KMT2C: variants seen among roughly 807,000 people sequenced by gnomAD.
The protein encoded by KMT2C is histone-lysine N-methyltransferase 2C.
A neutral mutation model predicts 507.9 loss-of-function variants in KMT2C; 88 were observed. The ratio of observed to expected loss-of-function variants is 0.17; its 90% CI spans 0.15 to 0.21. The LOEUF is 0.21. KMT2C is among the 10% of genes least tolerant of loss of function. The pLI is 1.00. For synonymous variants in KMT2C, 2,049 were observed against 2,080.8 expected (o/e 0.98, Z 0.42); for missense variants, 4,954 against 5,957.8 (o/e 0.83, Z 5.55).
At chr7:152,299,352 A>G (rs1378455268) in intron 6 of KMT2C, among the ~76,000 whole-genome samples, 2 of 149,838 alleles carry the variant, frequency 1.3e-5, no homozygotes, top group African/African-American at 4.9e-5. Context: ...ATAAATAAAT[A>G]AAGTAAAAGA....
At chr7:152,329,114 T>C (rs1331345200) in intron 3 of KMT2C, among the ~76,000 whole-genome samples, 1 of 152,082 alleles carries the variant, frequency 6.6e-6, no homozygotes, top group Non-Finnish European at 1.5e-5. Flanking sequence ...GAGCTTTCTT[T>C]CCCAGGGAGT....
intron 6 of KMT2C, among the ~76,000 whole-genome samples, chr7:152,288,464 C>T (rs200767369): frequency 4.0e-5 from 6 of 151,850 alleles, no homozygotes; most frequent in African/African-American, 7.3e-5. Context: ...GACCCAGGGG[C>T]GGAGTTTGCA....
At position 152,172,678 on chromosome 7, in the gene KMT2C, T is replaced by C. The variant is rs933549676; in HGVS notation, c.9375-1336A>G. Among the ~76,000 whole-genome samples, 6 of 152,096 alleles carry C rather than the reference T, an allele frequency of 3.9e-5. No homozygotes were observed. In the South Asian group the frequency reaches 1.2e-3, roughly 32 times the overall value. ...CTATCCTGGGCAACAACAGCGAAAC[T>C]CCGTCTCAGAAACAAAAACCAAAAC... On this transcript the variant is annotated intron_variant, in intron 39 of 58. Coordinates refer to ENST00000262189, the MANE Select transcript of KMT2C (RefSeq NM_170606.3).
At chr7:152,291,370 T>C (rs2096424355) in intron 6 of KMT2C, among the ~76,000 whole-genome samples, 1 of 152,296 alleles carries the variant, frequency 6.6e-6, no homozygotes, top group Admixed American at 6.5e-5. Flanking sequence ...TATTATATAA[T>C]AGTTCACTAA....
chr7:152,234,239 A>C (rs2095212276), intron 16 of KMT2C, among the ~76,000 whole-genome samples: 1 of 152,052 alleles, frequency 6.6e-6, no homozygotes. Context: ...AAAATTAGCC[A>C]GGCGTGGTGG....
At chr7:152,339,415 ATCAT>A (rs1479268787) in intron 2 of KMT2C, among the ~76,000 whole-genome samples, 1 of 152,220 alleles carries the variant, frequency 6.6e-6, no homozygotes, top group Non-Finnish European at 1.5e-5. Flanking sequence ...ATCCCAAAAT[ATCAT>A]TCACCCTCAT....
At chr7:152,236,367 A>ACTAAT (rs1588470464) in intron 15 of KMT2C, among the ~76,000 whole-genome samples, 1 of 152,250 alleles carries the variant, frequency 6.6e-6, no homozygotes, top group East Asian at 1.9e-4. Context: ...CTTACTATGT[A>ACTAAT]CTAATCTAAG....
At chr7:152,217,106 G>T (rs1353828110) in intron 23 of KMT2C, among the ~76,000 whole-genome samples, 1 of 152,138 alleles carries the variant, frequency 6.6e-6, no homozygotes, top group Non-Finnish European at 1.5e-5. Flanking sequence ...AGGGTACTGA[G>T]ACATTATCAA....
At position 152,275,096 on chromosome 7, in the gene KMT2C, A is replaced by C. The variant is rs867265425; in HGVS notation, c.850-1229T>G. On this transcript the variant is annotated intron_variant, in intron 6 of 58. Transcript: ENST00000262189. Reference sequence around the variant, plus strand: ...CTGCTAATTAACCAGGGACTACAGTAGTTAAAATTATAATTGTTTTCAATG... The same window carrying C: ...CTGCTAATTAACCAGGGACTACAGTCGTTAAAATTATAATTGTTTTCAATG... Among the ~76,000 whole-genome samples, 391 of 152,320 alleles carry C rather than the reference A, an allele frequency of 2.6e-3. 1 individual carries two copies. Among genetic ancestry groups the C allele is most frequent in the Non-Finnish European group, 4.3e-3 (294 of 68,020 alleles).
rs1229251971 is a variant in KMT2C at position 152,177,541 on chromosome 7, A to T, written c.7912T>A (p.Ser2638Thr). ...ATGACCATAGAAGATGAATGGACAG[A>T]ATGACCTTGCTCTTGTTGAGATGGT... ...VPPSQQEQGH[S>T]VHSSSMVMRT... Residue 2638 changes from serine (S) to threonine (T), a missense_variant, in exon 38 of 59, where the codon TCT (serine) becomes ACT (threonine). By Grantham distance (58) the Ser-to-Thr change is moderately conservative. Transcript: ENST00000262189. The T allele has an allele frequency of 6.2e-7, 1 of 1,614,186 alleles. No individual in the cohort carries two copies. The highest frequency in any genetic ancestry group is 1.7e-5 in the Admixed American group (1 of 60,024).
At chr7:152,263,942 A>G (rs186326672) in intron 8 of KMT2C, among the ~76,000 whole-genome samples, 14 of 152,286 alleles carry the variant, frequency 9.2e-5, no homozygotes, top group African/African-American at 3.4e-4. Context: ...GAATCTCTGA[A>G]TGAAATCTGG....
At chr7:152,412,818 G>T (rs575630724) in intron 1 of KMT2C, among the ~76,000 whole-genome samples, 1 of 152,284 alleles carries the variant, frequency 6.6e-6, no homozygotes, top group East Asian at 1.9e-4. Flanking sequence ...TCTTATTGAG[G>T]CCAAGGTCAA....
intron 1 of KMT2C, among the ~76,000 whole-genome samples, chr7:152,393,642 G>A (rs76516552): frequency 1.8e-4 from 27 of 151,716 alleles, no homozygotes; most frequent in African/African-American, 6.1e-4. Flanking sequence ...GGCCGAGCGC[G>A]GTGGCTCATG....
chr7:152,274,201 T>C (rs1339961561), intron 6 of KMT2C, among the ~76,000 whole-genome samples: 2 of 152,152 alleles, frequency 1.3e-5, no homozygotes, highest in Non-Finnish European at 2.9e-5. Flanking sequence ...GGTTTCTATA[T>C]TGAGGATTAT....
intron 2 of KMT2C, among the ~76,000 whole-genome samples, chr7:152,332,857 C>CACAA (rs968929216): frequency 6.8e-6 from 1 of 146,108 alleles, no homozygotes; most frequent in Non-Finnish European, 1.5e-5. Context: ...TCAAAACACA[C>CACAA]ACACACACAC....
chr7:152,327,791 T>C (rs1245122881), intron 3 of KMT2C, among the ~76,000 whole-genome samples: 2 of 151,686 alleles, frequency 1.3e-5, no homozygotes, highest in Non-Finnish European at 2.9e-5. Flanking sequence ...ACCCCGTCTC[T>C]ACTAAAAATA....
rs1232377284 is a variant in KMT2C, at chr7:152,260,052, A to G, written c.1299+2964T>C. 3.3e-5 allele frequency among the ~76,000 whole-genome samples: 5 copies of G among 152,194 alleles called. No individual in the cohort carries two copies. The East Asian group carries it at 9.6e-4, about 29-fold the overall frequency. On this transcript the variant is annotated intron_variant, in intron 9 of 58. Coordinates refer to ENST00000262189, the MANE Select transcript of KMT2C (RefSeq NM_170606.3). ...CACTTTATAGATACCACTTCATTAA[A>G]TCCAACATCCCTGTGAGGTAAGTAC...
Position 152,146,816 on chromosome 7 carries a change from C to G in KMT2C, c.13895-81G>C, listed in dbSNP as rs2091149138. On this transcript the variant is annotated intron_variant, in intron 52 of 58. Transcript: ENST00000262189. ...AAGAGCAAAATGAAGAATAACCACT[C>G]ACAAGGATTTACTAATTTCCAAATA... The G allele has an allele frequency of 7.3e-6, 9 of 1,228,502 alleles. No homozygotes were observed. The South Asian group carries it at 1.1e-4, about 15-fold the overall frequency. 76.1% of individuals were successfully genotyped at this position (1,228,502 alleles called of 1,614,324 possible). A position where few individuals can be genotyped will look rare whatever the true frequency, so the allele number is the denominator to read the frequency against.
intron 23 of KMT2C, among the ~76,000 whole-genome samples, chr7:152,214,630 G>A (rs1289262916): frequency 6.6e-6 from 1 of 152,186 alleles, no homozygotes; most frequent in Admixed American, 6.5e-5. Flanking sequence ...CTTTAAGAAA[G>A]GAGACACTGC....
Sources: gnomAD v4.1 joint callset for allele counts (sites outside exome capture counted in the v4.1 genomes callset) on GRCh38, gnomAD v4.1.1 for gene constraint, MANE v1.5 for transcripts, NCBI Gene and HGNC (gene_info 2026-07-23, HGNC 2026-07-21) for gene names.